Variants in DOCK1 observed in about 807,000 individuals in gnomAD.
The protein encoded by DOCK1 is dedicator of cytokinesis protein 1.
Under a neutral mutation model 262.7 loss-of-function variants are expected in DOCK1, and 138 were observed. That is an observed-to-expected ratio of 0.53 (90% CI 0.46 to 0.61). The LOEUF (loss-of-function observed/expected upper bound fraction) is 0.61, where lower values mean the gene tolerates loss of function less well. DOCK1 is among the 20% of genes least tolerant of loss of function. The pLI, the probability that DOCK1 is intolerant of heterozygous loss-of-function variation, is 0.00. For synonymous variants in DOCK1, 866 were observed against 867.4 expected, an observed-to-expected ratio of 1.00 and a Z score of 0.03; for missense variants, 1,908 against 2,370.7, an observed-to-expected ratio of 0.80 and a Z score of 4.05.
intron 27 of DOCK1, among the ~76,000 whole-genome samples, chr10:127,129,768 A>G (rs1027327843): frequency 5.9e-5 from 9 of 152,172 alleles, no homozygotes; most frequent in South Asian, 4.1e-4. Context: ...CCCTCTTGGG[A>G]TGGGCGGACT....
At chr10:127,076,587 A>G (rs745673144) in intron 23 of DOCK1, among the ~76,000 whole-genome samples, 2 of 152,222 alleles carry the variant, frequency 1.3e-5, no homozygotes, top group Non-Finnish European at 2.9e-5. Context: ...TGAAAGGCAG[A>G]GTGTGCCCCA....
intron 12 of DOCK1, chr10:127,013,810 T>C (rs1480934254): frequency 6.6e-6 from 1 of 152,266 alleles, no homozygotes; most frequent in Non-Finnish European, 1.5e-5. Context: ...AGTGCTTGTT[T>C]TCCTTGAACC....
intron 1 of DOCK1, among the ~76,000 whole-genome samples, chr10:126,931,141 G>T (rs983079684): frequency 3.3e-5 from 5 of 152,092 alleles, no homozygotes; most frequent in Admixed American, 6.6e-5. Flanking sequence ...TCGGAAATAA[G>T]ATCTGGGCAG....
At chr10:127,312,769 TC>T (rs2062110797) in intron 29 of DOCK1, among the ~76,000 whole-genome samples, 1 of 150,068 alleles carries the variant, frequency 6.7e-6, no homozygotes, top group African/African-American at 2.5e-5. Context: ...ACCCCCATCC[TC>T]CTGGCAGCCA....
At chr10:127,101,223 A>G (rs1030745284) in intron 23 of DOCK1, among the ~76,000 whole-genome samples, 1 of 151,626 alleles carries the variant, frequency 6.6e-6, no homozygotes, top group Non-Finnish European at 1.5e-5. Flanking sequence ...AGGTGGTGAC[A>G]TGAGATGGGA....
chr10:127,361,290 A>AT (rs1375023543), intron 32 of DOCK1, among the ~76,000 whole-genome samples: 4 of 151,206 alleles, frequency 2.6e-5, no homozygotes, highest in African/African-American at 4.9e-5. Flanking sequence ...ATTTTTTTGT[A>AT]TTTTTAGTAG....
chr10:126,953,321 A>G (rs2036476641), intron 1 of DOCK1, among the ~76,000 whole-genome samples: 1 of 139,854 alleles, frequency 7.2e-6, no homozygotes. Flanking sequence ...TGGAGGTGGT[A>G]GTGGTGGTAG....
rs147921551 is a variant in DOCK1 at position 127,233,978 on chromosome 10, T to A, written c.2848-14030T>A. On this transcript the variant is annotated intron_variant, in intron 27 of 51. Coordinates refer to ENST00000623213, the MANE Select transcript of DOCK1 (RefSeq NM_001290223.2). Reference sequence around the variant, plus strand: ...CCATACCATGTTTGTTAACCAATAATATCCATAACCATAACTTGAGGCACT... The same window carrying A: ...CCATACCATGTTTGTTAACCAATAAAATCCATAACCATAACTTGAGGCACT... Among the ~76,000 whole-genome samples the A allele has an allele frequency of 2.8e-3, 421 of 152,336 alleles. 5 individuals are homozygous for A. Among genetic ancestry groups the A allele is most frequent in the Admixed American group, 8.2e-3 (125 of 15,296 alleles).
intron 29 of DOCK1, among the ~76,000 whole-genome samples, chr10:127,289,670 G>A (rs2061283461): frequency 1.3e-5 from 2 of 152,096 alleles, no homozygotes; most frequent in South Asian, 4.1e-4. Context: ...ATGAGAAATG[G>A]CATCTGAGTG....
rs540353142 is a variant in DOCK1, at chr10:127,266,148, T to C, written c.3044+8719T>C. Among the ~76,000 whole-genome samples, 3 of 152,370 alleles carry C rather than the reference T, an allele frequency of 2.0e-5. No individual in the cohort carries two copies. In the East Asian group the frequency reaches 5.8e-4, roughly 29 times the overall value. ...GGACTGCGTGTTTTCTTTCCTGTTC[T>C]ACCTCCGTCCAGAGAAGCACCTCTG... On this transcript the variant is annotated intron_variant, in intron 29 of 51. Coordinates refer to ENST00000623213, the MANE Select transcript of DOCK1 (RefSeq NM_001290223.2).
intron 43 of DOCK1, among the ~76,000 whole-genome samples, chr10:127,412,312 G>T (rs2067905926): frequency 6.6e-6 from 1 of 152,088 alleles, no homozygotes; most frequent in South Asian, 2.1e-4. Flanking sequence ...GGATTCATTT[G>T]TATTTTTATT....
chr10:126,965,250 T>C (rs1298277169), intron 1 of DOCK1, among the ~76,000 whole-genome samples: 2 of 152,066 alleles, frequency 1.3e-5, no homozygotes, highest in African/African-American at 2.4e-5. Flanking sequence ...AGGCAGGCCT[T>C]GTAGACAAGT....
intron 22 of DOCK1, among the ~76,000 whole-genome samples, chr10:127,056,009 G>GTA (rs1213468002): frequency 6.6e-6 from 1 of 152,174 alleles, no homozygotes; most frequent in South Asian, 2.1e-4. Context: ...TTCTTTGCTG[G>GTA]TATAACTTGT....
At chr10:127,096,347 A>G (rs1261565625) in intron 23 of DOCK1, among the ~76,000 whole-genome samples, 1 of 152,096 alleles carries the variant, frequency 6.6e-6, no homozygotes, top group Non-Finnish European at 1.5e-5. Context: ...TCCCCTATCA[A>G]GTTTATCTGT....
chr10:127,106,917 T>C (rs1433372632), intron 24 of DOCK1, among the ~76,000 whole-genome samples: 1 of 152,162 alleles, frequency 6.6e-6, no homozygotes, highest in Non-Finnish European at 1.5e-5. Context: ...TATCACTGCA[T>C]TCTGAAAGTG....
intron 38 of DOCK1, among the ~76,000 whole-genome samples, chr10:127,400,150 C>T (rs2067136810): frequency 6.7e-6 from 1 of 149,600 alleles, no homozygotes; most frequent in South Asian, 2.1e-4. Flanking sequence ...TATTAAAATG[C>T]AGCTCTGATT....
At chr10:126,962,387 G>A (rs2037299154) in intron 1 of DOCK1, among the ~76,000 whole-genome samples, 1 of 152,226 alleles carries the variant, frequency 6.6e-6, no homozygotes, top group South Asian at 2.1e-4. Context: ...TCTAACTCCT[G>A]ACCTCAGGTG....
chr10:127,409,341 A>G lies in DOCK1; in HGVS notation c.4293A>G (p.Lys1431=). ...TTCAGTGCTTCACAGTGAAGCCCAA[A>G]CTCGATCTGCCTCCTAAGTTTCACA... is the stretch of plus-strand genomic sequence containing the variant. ...QYIQCFTVKP[K]LDLPPKFHRP... The change falls in exon 42 of 52, where the codon AAA becomes AAG. Residue 1431 remains lysine, a synonymous_variant. Transcript: ENST00000623213. 6.2e-7 allele frequency: 1 copy of G among 1,613,798 alleles called. No homozygotes were observed. The highest frequency in any genetic ancestry group is 8.5e-7 in the Non-Finnish European group (1 of 1,179,856).
intron 38 of DOCK1, among the ~76,000 whole-genome samples, chr10:127,396,238 G>T (rs72842984): frequency 0.055 from 8,319 of 151,664 alleles, 348 homozygotes; most frequent in Middle Eastern, 0.068. Flanking sequence ...CAGCTGCAGT[G>T]ATGCTGGGTG....
Sources: allele counts gnomAD v4.1 joint callset (sites outside exome capture counted in the v4.1 genomes callset), GRCh38; gene constraint gnomAD v4.1.1; transcripts MANE v1.5; gene names NCBI Gene and HGNC (gene_info 2026-07-23, HGNC 2026-07-21).